The following NRXN1 variants were observed in gnomAD, a reference collection of about 807,000 sequenced individuals.
The protein encoded by NRXN1 is neurexin 1.
In NRXN1, 39 loss-of-function variants were observed where a neutral mutation model predicts 150.9. The observed-to-expected ratio is 0.26, with a 90% CI of 0.20 to 0.34. The LOEUF is 0.34. Among genes scored for constraint, NRXN1 ranks in the 10% least tolerant of loss-of-function variants. NRXN1 has a pLI of 1.00. For synonymous variants in NRXN1, 924 were observed against 757.0 expected (o/e 1.22, Z -3.62); for missense variants, 1,815 against 1,949.9 (o/e 0.93, Z 1.30).
intron 18 of NRXN1, among the ~76,000 whole-genome samples, chr2:50,227,025 T>C (rs534259833): frequency 2.6e-5 from 4 of 152,116 alleles, no homozygotes; most frequent in African/African-American, 9.6e-5. Context: ...CCTGCTTTCA[T>C]GACACTTGCT....
chr2:50,686,255 T>A (rs532269511), intron 5 of NRXN1, among the ~76,000 whole-genome samples: 3 of 152,272 alleles, frequency 2.0e-5, no homozygotes, highest in Non-Finnish European at 4.4e-5. Flanking sequence ...AGTACATTTT[T>A]AAAAATGAAG....
intron 2 of NRXN1, among the ~76,000 whole-genome samples, chr2:50,984,392 G>T (rs944080699): frequency 6.6e-6 from 1 of 151,880 alleles, no homozygotes; most frequent in Non-Finnish European, 1.5e-5. Flanking sequence ...ATAACGAAGA[G>T]TGTATGCGGC....
At chr2:50,581,010 T>C (rs1035815290) in intron 8 of NRXN1, among the ~76,000 whole-genome samples, 6 of 152,146 alleles carry the variant, frequency 3.9e-5, no homozygotes, top group Admixed American at 6.5e-5. Flanking sequence ...TATTAAAAAA[T>C]ACTTTTTTGG....
At chr2:50,897,712 G>A (rs1682218916) in intron 5 of NRXN1, among the ~76,000 whole-genome samples, 2 of 152,114 alleles carry the variant, frequency 1.3e-5, no homozygotes, top group South Asian at 4.1e-4. Context: ...ACTATTCTAT[G>A]GTGACAAAAG....
intron 18 of NRXN1, among the ~76,000 whole-genome samples, chr2:50,226,305 T>C (rs2064370578): frequency 1.3e-5 from 2 of 152,024 alleles, no homozygotes; most frequent in African/African-American, 4.8e-5. Context: ...TTTAAAAACT[T>C]TTAAGTGTGC....
At chr2:50,060,817 A>C (rs1694413287) in intron 19 of NRXN1, among the ~76,000 whole-genome samples, 1 of 152,178 alleles carries the variant, frequency 6.6e-6, no homozygotes, top group Non-Finnish European at 1.5e-5. Flanking sequence ...TTCTGACATG[A>C]ATGTGAGGCC....
chr2:50,499,372 C>A (rs1187068224), intron 13 of NRXN1, among the ~76,000 whole-genome samples: 2 of 152,122 alleles, frequency 1.3e-5, no homozygotes, highest in African/African-American at 4.8e-5. Context: ...AAAAATGTCA[C>A]CATAAATAAT....
intron 17 of NRXN1, among the ~76,000 whole-genome samples, chr2:50,268,903 G>A (rs78779559): frequency 8.3e-4 from 127 of 152,218 alleles, no homozygotes; most frequent in Non-Finnish European, 1.5e-3. Context: ...GTATATCTAC[G>A]TTAATGAAAC....
chr2:50,732,877 GA>G (rs1698271881), intron 5 of NRXN1, among the ~76,000 whole-genome samples: 3 of 152,124 alleles, frequency 2.0e-5, no homozygotes, highest in African/African-American at 7.2e-5. Context: ...GTACAAAACA[GA>G]AAGTTTGATC....
chr2:49,983,486 TTTAATA>T (rs1406524980), intron 21 of NRXN1, among the ~76,000 whole-genome samples: 1 of 152,126 alleles, frequency 6.6e-6, no homozygotes, highest in Non-Finnish European at 1.5e-5. Flanking sequence ...TTTTTATACT[TTTAATA>T]TTTATATATT....
At chr2:50,627,735 C>CA (rs1297396248) in intron 5 of NRXN1, among the ~76,000 whole-genome samples, 1 of 151,576 alleles carries the variant, frequency 6.6e-6, no homozygotes, top group Non-Finnish European at 1.5e-5. Context: ...GACAATCCTG[C>CA]AGCCCAACCC....
intron 18 of NRXN1, among the ~76,000 whole-genome samples, chr2:50,218,257 G>C (rs2063539434): frequency 1.3e-5 from 2 of 151,946 alleles, no homozygotes; most frequent in South Asian, 4.1e-4. Context: ...AGCTAACAAG[G>C]TTCTGTTCAC....
intron 5 of NRXN1, among the ~76,000 whole-genome samples, chr2:50,684,817 G>C (rs1280288126): frequency 6.6e-6 from 1 of 152,112 alleles, no homozygotes; most frequent in Non-Finnish European, 1.5e-5. Flanking sequence ...CTTTATTTTA[G>C]ATAAAGCTAA....
At chr2:50,094,395 C>T (rs1699952178) in intron 18 of NRXN1, among the ~76,000 whole-genome samples, 1 of 152,134 alleles carries the variant, frequency 6.6e-6, no homozygotes, top group Admixed American at 6.6e-5. Flanking sequence ...GATGTGATTT[C>T]CACATACTGC....
At chr2:49,962,231 C>A (rs1676094987) in intron 21 of NRXN1, among the ~76,000 whole-genome samples, 1 of 152,160 alleles carries the variant, frequency 6.6e-6, no homozygotes, top group South Asian at 2.1e-4. Flanking sequence ...GGGAACCATC[C>A]TGAGTTCTGA....
At chr2:50,942,972 G>C (rs1689714584) in intron 2 of NRXN1, among the ~76,000 whole-genome samples, 1 of 152,158 alleles carries the variant, frequency 6.6e-6, no homozygotes, top group Non-Finnish European at 1.5e-5. Flanking sequence ...CCATGTGTTG[G>C]AGTTAGGGGA....
At chr2:50,950,393 C>A (rs541453241) in intron 2 of NRXN1, among the ~76,000 whole-genome samples, 43 of 152,238 alleles carry the variant, frequency 2.8e-4, no homozygotes, top group African/African-American at 9.4e-4. Flanking sequence ...TTTAGGCTGG[C>A]TTTCACTGGA....
intron 9 of NRXN1, among the ~76,000 whole-genome samples, chr2:50,540,160 G>A (rs1195475963): frequency 6.6e-6 from 1 of 152,180 alleles, no homozygotes; most frequent in Non-Finnish European, 1.5e-5. Context: ...AAAGAAAAGG[G>A]AAAAGCTCCT....
At chr2:50,370,173 A>G (rs1255775611) in intron 17 of NRXN1, among the ~76,000 whole-genome samples, 1 of 151,936 alleles carries the variant, frequency 6.6e-6, no homozygotes, top group Non-Finnish European at 1.5e-5. Flanking sequence ...TGTCCCTCCA[A>G]CTATATTGCA....
Sources: gnomAD v4.1 joint callset for allele counts (sites outside exome capture counted in the v4.1 genomes callset) on GRCh38, gnomAD v4.1.1 for gene constraint, MANE v1.5 for transcripts, NCBI Gene and HGNC (gene_info 2026-07-23, HGNC 2026-07-21) for gene names.